The following DMD variants were observed in gnomAD, a reference collection of about 807,000 sequenced individuals.
DMD encodes dystrophin.
In DMD, 63 loss-of-function variants were observed where a neutral mutation model predicts 330.1. The ratio of observed to expected loss-of-function variants is 0.19; its 90% confidence interval spans 0.16 to 0.24. The LOEUF (loss-of-function observed/expected upper bound fraction) is 0.24. Ranked by LOEUF, DMD falls within the 10% of genes least tolerant of loss-of-function variation. The probability of loss-of-function intolerance (pLI) is 1.00; values close to 1 mark genes in which losing one functional copy is unlikely to be tolerated. For missense variants in DMD, 3,344 were observed against 2,684.1 expected (o/e 1.25, Z -5.43); for synonymous variants, 1,223 against 959.8 (o/e 1.27, Z -5.07).
intron 44 of DMD, among the ~76,000 whole-genome samples, chrX:32,169,594 A>G (rs189408265): frequency 3.6e-5 from 4 of 111,973 alleles, no homozygotes; most frequent in African/African-American, 6.5e-5. Flanking sequence ...AAAAATATTG[A>G]CAATTGATAA....
At chrX:31,501,450 T>C (rs1307426792) in intron 56 of DMD, among the ~76,000 whole-genome samples, 1 of 112,434 alleles carries the variant, frequency 8.9e-6, no homozygotes, top group Non-Finnish European at 1.9e-5. Context: ...TGTCTATTAA[T>C]CTTTATTAGT....
At chrX:32,774,075 A>T (rs1215463862) in intron 7 of DMD, among the ~76,000 whole-genome samples, 3 of 111,970 alleles carry the variant, frequency 2.7e-5, no homozygotes, top group Non-Finnish European at 5.6e-5. Context: ...CTCGCACAAC[A>T]GTATGTACAT....
chrX:32,361,544 G>T (rs769917782), intron 37 of DMD, among the ~76,000 whole-genome samples: 7 of 111,651 alleles, frequency 6.3e-5, no homozygotes, highest in African/African-American at 1.9e-4. Context: ...TTTAATTTGG[G>T]AAGGTGAATT....
intron 1 of DMD, among the ~76,000 whole-genome samples, chrX:33,272,486 G>A (rs1226660712): frequency 9.0e-6 from 1 of 111,606 alleles, no homozygotes; most frequent in East Asian, 2.8e-4. Context: ...AGATAGAATC[G>A]TGAAATGGGT....
chrX:32,585,386 C>T lies in DMD; in HGVS notation c.1602+10371G>A, dbSNP rs73207785. On this transcript the variant is annotated intron_variant, in intron 13 of 78. Transcript: ENST00000357033. The stretch of plus-strand genomic sequence containing the variant: ...TAAAAATTTTTTGTAAATGTATTAA[C>T]ACTTGCATTCATAAAGAATATTATT... Among the ~76,000 whole-genome samples, 297 of 111,618 alleles carry T rather than the reference C, an allele frequency of 2.7e-3. 1 individual carries two copies. The highest frequency in any genetic ancestry group is 7.5e-3 in the African/African-American group (231 of 30,884).
chrX:32,336,101 C>T (rs747695978), intron 41 of DMD, among the ~76,000 whole-genome samples: 2 of 107,726 alleles, frequency 1.9e-5, no homozygotes, highest in South Asian at 8.0e-4. Flanking sequence ...CGTGTGTATA[C>T]GTACATGTTA....
At chrX:31,892,738 A>G (rs1337367458) in intron 47 of DMD, among the ~76,000 whole-genome samples, 1 of 111,613 alleles carries the variant, frequency 9.0e-6, no homozygotes, top group Non-Finnish European at 1.9e-5. Flanking sequence ...GTGCATCTAA[A>G]CATACCTAAA....
intron 2 of DMD, among the ~76,000 whole-genome samples, chrX:32,934,325 T>C (rs1462113840): frequency 9.1e-6 from 1 of 110,172 alleles, no homozygotes. Flanking sequence ...GAGGCTGAGG[T>C]GGGAGGGTTA....
chrX:32,813,435 G>A (rs1407775384), intron 6 of DMD, among the ~76,000 whole-genome samples: 2 of 111,311 alleles, frequency 1.8e-5, no homozygotes. Flanking sequence ...TAGCCAAACA[G>A]TTTTAGGTAA....
chrX:31,903,880 A>T (rs766944218), intron 47 of DMD, among the ~76,000 whole-genome samples: 1 of 112,039 alleles, frequency 8.9e-6, no homozygotes, highest in South Asian at 3.6e-4. Context: ...TACGTCAAAG[A>T]TATCTTTAGA....
At chrX:31,659,452 A>T (rs2080983491) in intron 53 of DMD, among the ~76,000 whole-genome samples, 1 of 109,217 alleles carries the variant, frequency 9.2e-6, no homozygotes, top group South Asian at 4.0e-4. Flanking sequence ...CAGTCTGGCC[A>T]AGATGGTGAA....
At chrX:32,683,716 C>G (rs2147357134) in intron 9 of DMD, among the ~76,000 whole-genome samples, 1 of 104,969 alleles carries the variant, frequency 9.5e-6, no homozygotes, top group African/African-American at 3.5e-5. Context: ...ATGGGTGCAG[C>G]ACACCAACAT....
At chrX:33,094,807 C>CAAAAAAAAAAAAAAA (rs199716276) in intron 1 of DMD, among the ~76,000 whole-genome samples, 1 of 60,056 alleles carries the variant, frequency 1.7e-5, no homozygotes. Flanking sequence ...GACTCCATCT[C>CAAAAAAAAAAAAAAA]AAAAAAAAAA....
chrX:32,624,968 C>A (rs1447335786), intron 11 of DMD, among the ~76,000 whole-genome samples: 1 of 110,985 alleles, frequency 9.0e-6, no homozygotes, highest in Non-Finnish European at 1.9e-5. Flanking sequence ...GTCAGGAGTT[C>A]GAAAGCATCC....
intron 7 of DMD, among the ~76,000 whole-genome samples, chrX:32,737,242 T>G (rs2068637641): frequency 9.0e-6 from 1 of 111,366 alleles, no homozygotes; most frequent in African/African-American, 3.3e-5. Flanking sequence ...ATGTTTCACT[T>G]GGAATAAAAT....
intron 49 of DMD, among the ~76,000 whole-genome samples, chrX:31,826,137 A>G (rs1250018376): frequency 8.9e-6 from 1 of 112,064 alleles, no homozygotes; most frequent in African/African-American, 3.2e-5. Flanking sequence ...TCTTTTATTA[A>G]TACATAAACT....
intron 22 of DMD, among the ~76,000 whole-genome samples, chrX:32,470,461 T>C (rs1476444233): frequency 8.9e-6 from 1 of 111,992 alleles, no homozygotes; most frequent in Non-Finnish European, 1.9e-5. Flanking sequence ...ATATCTTTTT[T>C]TTTAGTTAGT....
At chrX:32,575,556 T>C (rs892411614) in intron 13 of DMD, among the ~76,000 whole-genome samples, 17 of 112,414 alleles carry the variant, frequency 1.5e-4, no homozygotes, top group African/African-American at 5.2e-4. Context: ...ACTTCAACCA[T>C]CTAATTATTA....
intron 12 of DMD, among the ~76,000 whole-genome samples, chrX:32,604,122 A>G (rs1194029462): frequency 9.0e-6 from 1 of 110,641 alleles, no homozygotes; most frequent in Non-Finnish European, 1.9e-5. Context: ...AACCAAACCC[A>G]AAAGCATAAC....
Sources: allele counts gnomAD v4.1 joint callset (sites outside exome capture counted in the v4.1 genomes callset), GRCh38; gene constraint gnomAD v4.1.1; transcripts MANE v1.5; gene names NCBI Gene and HGNC (gene_info 2026-07-23, HGNC 2026-07-21).